The following SGIP1 variants were observed in gnomAD, a reference collection of about 807,000 sequenced individuals.
The protein encoded by SGIP1 is SH3GL interacting endocytic adaptor 1.
A neutral mutation model predicts 107.5 loss-of-function variants in SGIP1; 38 were observed. The observed-to-expected ratio is 0.35, with a 90% CI of 0.27 to 0.46. The LOEUF is 0.46. SGIP1 is among the 20% of genes least tolerant of loss of function. SGIP1 has a pLI of 1.00. For missense variants in SGIP1, 929 were observed against 1,019.5 expected, an observed-to-expected ratio of 0.91 and a Z score of 1.21; for synonymous variants, 365 against 366.1, an observed-to-expected ratio of 1.00 and a Z score of 0.03.
chr1:66,670,995 G>T lies in SGIP1; in HGVS notation c.484G>T (p.Gly162Cys). 1 of 1,371,394 alleles carries T rather than the reference G, an allele frequency of 7.3e-7. No homozygotes were observed. The highest frequency in any genetic ancestry group is 1.0e-6 in the Non-Finnish European group (1 of 990,220). The allele number at this position is 1,371,394 out of a possible 1,614,324, so 85.0% of individuals were successfully genotyped here. A position where few individuals can be genotyped will look rare whatever the true frequency, so the allele number is the denominator to read the frequency against. The change falls in exon 10 of 25, where the codon GGT becomes TGT. Residue 162 changes from glycine to cysteine, a missense_variant and splice_region_variant. Around this residue, in one of 2 missense-constraint regions of SGIP1, gnomAD observed 588 missense variants for 588.6 expected, o/e 1.00. Coordinates refer to ENST00000371037, the MANE Select transcript of SGIP1 (RefSeq NM_032291.4). ...PVRKSPRRSP[G>C]AIKRNLSSEE... ...TTATAGTGTCTATTTCTAATTCTAG[G>T]GTGCAATTAAAAGGAACTTATCCAG...
chr1:66,667,403 T>A (rs1156648770), intron 8 of SGIP1, 127 bp from the exon 9 acceptor site: 3 of 879,804 alleles, frequency 3.4e-6, no homozygotes, highest in Non-Finnish European at 5.7e-6. Context: ...CTGTCTTCCT[T>A]TGGCCTGATT....
intron 21 of SGIP1, among the ~76,000 whole-genome samples, chr1:66,736,397 A>AAT (rs535408869): frequency 0.19 from 1,002 of 5,234 alleles, 68 homozygotes; most frequent in South Asian, 0.25. Flanking sequence ...AATATATGTG[A>AAT]ATATATTATA....
intron 1 of SGIP1, among the ~76,000 whole-genome samples, chr1:66,551,624 A>G (rs1372352516): frequency 2.0e-5 from 3 of 152,172 alleles, no homozygotes; most frequent in Non-Finnish European, 4.4e-5. Flanking sequence ...ATATGTAAAA[A>G]CATGCCAATC....
intron 17 of SGIP1, among the ~76,000 whole-genome samples, chr1:66,691,723 C>T (rs2089894674): frequency 6.6e-6 from 1 of 152,120 alleles, no homozygotes; most frequent in South Asian, 2.1e-4. Context: ...GTTGTTTCAC[C>T]TCCTTCATGT....
chr1:66,682,128 A>G lies in SGIP1; in HGVS notation c.1074A>G (p.Thr358=). The change falls in exon 15 of 25, where the codon ACA becomes ACG. Residue 358 remains threonine (T), a synonymous_variant. Coordinates refer to ENST00000371037, the MANE Select transcript of SGIP1 (RefSeq NM_032291.4). ...APGPLGPPGP[T]GPPGPPGPPR... is the part of the protein sequence containing the mutation. ...GCCCTCTCGGCCCCCCAGGTCCCAC[A>G]GGCCCCCCAGGGCCTCCTGGGCCTC... 2 of 1,613,666 alleles carry G rather than the reference A, an allele frequency of 1.2e-6. No individual in the cohort carries two copies. Among genetic ancestry groups the G allele is most frequent in the Middle Eastern group, 3.3e-4 (2 of 6,058 alleles).
chr1:66,727,216 A>T (rs1353272280), intron 19 of SGIP1, among the ~76,000 whole-genome samples: 3 of 152,242 alleles, frequency 2.0e-5, no homozygotes, highest in Non-Finnish European at 4.4e-5. Flanking sequence ...AAACCTTGAC[A>T]TTCAATAAGA....
intron 8 of SGIP1, among the ~76,000 whole-genome samples, chr1:66,662,915 G>T (rs2081819569): frequency 6.6e-6 from 1 of 152,152 alleles, no homozygotes; most frequent in Non-Finnish European, 1.5e-5. Flanking sequence ...ACAGCAGATA[G>T]AATTTACTGA....
intron 18 of SGIP1, among the ~76,000 whole-genome samples, chr1:66,695,955 C>T (rs12565436): frequency 0.12 from 17,615 of 152,120 alleles, 1,798 homozygotes; most frequent in East Asian, 0.51. Context: ...TATGTAAATA[C>T]ATTCTTATGA....
At chr1:66,612,370 A>T (rs2149169085) in intron 1 of SGIP1, among the ~76,000 whole-genome samples, 1 of 152,384 alleles carries the variant, frequency 6.6e-6, no homozygotes, top group East Asian at 1.9e-4. Context: ...GAAGACAAAC[A>T]TCCAAACTAT....
chr1:66,695,589 C>A, intron 18 of SGIP1, 96 bp downstream of exon 18: 1 of 1,187,232 alleles, frequency 8.4e-7, no homozygotes, highest in South Asian at 1.6e-5. Flanking sequence ...TTCAAAAGTT[C>A]TGGTCTCACT....
Position 66,740,791 on chromosome 1 carries a change from T to C in SGIP1, c.2299+69T>C, listed in dbSNP as rs878958124. 11 of 995,518 alleles carry C rather than the reference T, an allele frequency of 1.1e-5. No homozygotes were observed. In the South Asian group the frequency reaches 1.6e-4, roughly 14 times the overall value. The allele number at this position is 995,518 out of a possible 1,614,324, so 61.7% of individuals were successfully genotyped here. Reference sequence around the variant, plus strand: ...AATGGCTTTAGGTATTTGCCAACTATTACCCAAAACATGTAGCAATAAAAA... The same window carrying C: ...AATGGCTTTAGGTATTTGCCAACTACTACCCAAAACATGTAGCAATAAAAA... On this transcript the variant is annotated intron_variant, in intron 23 of 24. Coordinates refer to ENST00000371037, the MANE Select transcript of SGIP1 (RefSeq NM_032291.4).
intron 18 of SGIP1, among the ~76,000 whole-genome samples, chr1:66,700,515 T>C (rs926997501): frequency 1.3e-5 from 2 of 152,156 alleles, no homozygotes; most frequent in East Asian, 3.8e-4. Flanking sequence ...TCCAGCTCTC[T>C]AATTTCCTGA....
rs28398372 is a variant in SGIP1, at chr1:66,701,465, C to T, written c.1630+5972C>T. ...CTTCATTAGAAATATTAAAACCACG[C>T]TCCTTAGCTATTCTGAGTTTTTATA... On this transcript the variant is annotated intron_variant, in intron 18 of 24. Coordinates refer to ENST00000371037, the MANE Select transcript of SGIP1 (RefSeq NM_032291.4). Among the ~76,000 whole-genome samples, 135 of 152,316 alleles carry T rather than the reference C, an allele frequency of 8.9e-4. 1 individual carries two copies. Among genetic ancestry groups the T allele is most frequent in the Admixed American group, 2.9e-3 (45 of 15,296 alleles).
At chr1:66,617,178 A>G (rs949992379) in intron 1 of SGIP1, among the ~76,000 whole-genome samples, 4 of 152,232 alleles carry the variant, frequency 2.6e-5, no homozygotes, top group Admixed American at 2.6e-4. Context: ...AACGGCTTGT[A>G]AACATTTACT....
chr1:66,731,738 G>T (rs1557787816), intron 20 of SGIP1, among the ~76,000 whole-genome samples: 1 of 152,088 alleles, frequency 6.6e-6, no homozygotes, highest in African/African-American at 2.4e-5. Context: ...ATTCTAGATT[G>T]CAGTACCAGC....
At chr1:66,547,187 C>T (rs1238715053) in intron 1 of SGIP1, among the ~76,000 whole-genome samples, 2 of 152,120 alleles carry the variant, frequency 1.3e-5, no homozygotes, top group Non-Finnish European at 2.9e-5. Flanking sequence ...CCCCTTTCCA[C>T]ATATCCTCAA....
chr1:66,740,759 A>G, intron 23 of SGIP1, 37 bp downstream of exon 23: 1 of 1,438,206 alleles, frequency 7.0e-7, no homozygotes, highest in Non-Finnish European at 9.7e-7. Flanking sequence ...TTAACATGTA[A>G]AGCTAAAATG....
rs940861285 is a variant in SGIP1 at position 66,746,517 on chromosome 1, G to C, written c.*3422G>C. On this transcript the variant is annotated 3_prime_UTR_variant, in exon 25 of 25. Coordinates refer to ENST00000371037, the MANE Select transcript of SGIP1 (RefSeq NM_032291.4). ...CTTTTGAGGCTTTATAAGCAAACTT[G>C]TAAAAACACAGTAATTGAATGATAT... 6.6e-6 allele frequency: 1 copy of C among 152,070 alleles called. No individual in the cohort carries two copies. The highest frequency in any genetic ancestry group is 1.5e-5 in the Non-Finnish European group (1 of 67,976). 9.4% of individuals were successfully genotyped at this position (152,070 alleles called of 1,614,324 possible).
chr1:66,710,869 A>G (rs2092869085), intron 18 of SGIP1, among the ~76,000 whole-genome samples: 1 of 152,170 alleles, frequency 6.6e-6, no homozygotes, highest in Admixed American at 6.5e-5. Context: ...CATCAGAGCC[A>G]CTTCAAAAGA....
Sources: gnomAD v4.1 joint callset for allele counts (sites outside exome capture counted in the v4.1 genomes callset) on GRCh38, gnomAD v4.1.1 for gene constraint, gnomAD v4.1.1 regional missense constraint, MANE v1.5 for transcripts, NCBI Gene and HGNC (gene_info 2026-07-23, HGNC 2026-07-21) for gene names.